NTM: variants seen among roughly 807,000 people sequenced by gnomAD.
NTM encodes neurotrimin, also known as IgLON family member 2.
Under a neutral mutation model 42.1 loss-of-function variants are expected in NTM, and 13 were observed. The ratio of observed to expected loss-of-function variants is 0.31; its 90% CI spans 0.20 to 0.49. The LOEUF is 0.49. Among genes scored for constraint, NTM ranks in the 20% least tolerant of loss-of-function variants. The pLI is 0.99. For missense variants in NTM, 373 were observed against 452.8 expected (o/e 0.82, Z 1.60); for synonymous variants, 187 against 179.2 (o/e 1.04, Z -0.35).
At chr11:131,564,331 G>T (rs1462786515) in intron 1 of NTM, among the ~76,000 whole-genome samples, 1 of 152,192 alleles carries the variant, frequency 6.6e-6, no homozygotes, top group African/African-American at 2.4e-5. Flanking sequence ...GAGGCTGGAA[G>T]TCTGAGATCA....
chr11:131,580,229 GC>G (rs1565661550), intron 1 of NTM, among the ~76,000 whole-genome samples: 2 of 152,140 alleles, frequency 1.3e-5, no homozygotes, highest in African/African-American at 4.8e-5. Flanking sequence ...TCATTTCTCT[GC>G]CCACTGTCAC....
intron 2 of NTM, among the ~76,000 whole-genome samples, chr11:132,084,500 C>T (rs1000965582): frequency 2.0e-5 from 3 of 152,106 alleles, no homozygotes; most frequent in African/African-American, 7.2e-5. Flanking sequence ...CTCAGGGACC[C>T]TCCATGGCAT....
intron 1 of NTM, among the ~76,000 whole-genome samples, chr11:131,512,936 C>G (rs957123362): frequency 1.3e-5 from 2 of 151,948 alleles, no homozygotes; most frequent in Non-Finnish European, 2.9e-5. Flanking sequence ...CAATTTAGCA[C>G]CCGATTATTC....
chr11:132,034,965 G>A (rs868458311), intron 2 of NTM, among the ~76,000 whole-genome samples: 3 of 152,168 alleles, frequency 2.0e-5, no homozygotes, highest in African/African-American at 2.4e-5. Context: ...TGGTCTCCTA[G>A]CATCTTGATT....
At chr11:131,527,184 G>T (rs2050618550) in intron 1 of NTM, among the ~76,000 whole-genome samples, 1 of 152,170 alleles carries the variant, frequency 6.6e-6, no homozygotes. Context: ...CGTCGTATGT[G>T]CTGGTTCTAA....
intron 4 of NTM, among the ~76,000 whole-genome samples, chr11:132,220,926 C>T (rs2085021155): frequency 6.6e-6 from 1 of 152,190 alleles, no homozygotes; most frequent in Non-Finnish European, 1.5e-5. Flanking sequence ...CCATAAGAGT[C>T]AGCACCGCCT....
At chr11:131,899,640 TAACA>T (rs1220375149) in intron 1 of NTM, among the ~76,000 whole-genome samples, 4 of 152,374 alleles carry the variant, frequency 2.6e-5, no homozygotes, top group African/African-American at 4.8e-5. Flanking sequence ...GCCTCTAACC[TAACA>T]AACAGTGTGG....
At chr11:131,657,341 G>A (rs527968799) in intron 1 of NTM, among the ~76,000 whole-genome samples, 18 of 152,246 alleles carry the variant, frequency 1.2e-4, no homozygotes, top group African/African-American at 3.1e-4. Context: ...GAACTATGCC[G>A]TGCAGGAAGG....
intron 1 of NTM, among the ~76,000 whole-genome samples, chr11:131,492,999 C>T (rs1353862491): frequency 2.0e-5 from 3 of 152,086 alleles, no homozygotes; most frequent in Non-Finnish European, 4.4e-5. Flanking sequence ...AGGCAGATCG[C>T]TTGAGCCCAG....
intron 4 of NTM, among the ~76,000 whole-genome samples, chr11:132,299,843 C>T (rs536697886): frequency 7.9e-5 from 12 of 152,188 alleles, no homozygotes; most frequent in East Asian, 3.9e-4. Flanking sequence ...TTCTCTTTTC[C>T]GCCAGCCATG....
At chr11:131,560,232 C>T (rs1043133793) in intron 1 of NTM, among the ~76,000 whole-genome samples, 10 of 152,166 alleles carry the variant, frequency 6.6e-5, no homozygotes, top group African/African-American at 9.7e-5. Context: ...TTATCTTTCA[C>T]GGAAGGCTAG....
chr11:132,114,383 C>T (rs189761053), intron 2 of NTM, among the ~76,000 whole-genome samples: 44 of 152,242 alleles, frequency 2.9e-4, no homozygotes, highest in African/African-American at 9.9e-4. Context: ...TGATCAGCCA[C>T]GAGAGGGCAA....
At chr11:131,580,594 AC>A (rs1334633572) in intron 1 of NTM, among the ~76,000 whole-genome samples, 3 of 152,166 alleles carry the variant, frequency 2.0e-5, no homozygotes, top group African/African-American at 4.8e-5. Context: ...TGGCAAAGTG[AC>A]CTGACAGATG....
chr11:132,279,944 C>G (rs1005315760), intron 4 of NTM, among the ~76,000 whole-genome samples: 2 of 152,154 alleles, frequency 1.3e-5, no homozygotes, highest in African/African-American at 4.8e-5. Flanking sequence ...ATTCATTCAA[C>G]AAATAATGAC....
At chr11:131,782,225 C>T (rs1294735358) in intron 1 of NTM, among the ~76,000 whole-genome samples, 2 of 152,064 alleles carry the variant, frequency 1.3e-5, no homozygotes, top group Non-Finnish European at 2.9e-5. Flanking sequence ...ATCACTTCTA[C>T]AGACATTAAA....
At chr11:131,512,499 C>T (rs2048378205) in intron 1 of NTM, among the ~76,000 whole-genome samples, 1 of 152,150 alleles carries the variant, frequency 6.6e-6, no homozygotes, top group African/African-American at 2.4e-5. Flanking sequence ...AGCTGGGTGC[C>T]TCCTGGAGGA....
intron 2 of NTM, among the ~76,000 whole-genome samples, chr11:132,124,508 C>T (rs2065354383): frequency 6.6e-6 from 1 of 152,230 alleles, no homozygotes; most frequent in African/African-American, 2.4e-5. Context: ...ATCTGCCTCC[C>T]CATTTCTACC....
chr11:131,947,188 A>G (rs1011712888), intron 2 of NTM, among the ~76,000 whole-genome samples: 10 of 152,162 alleles, frequency 6.6e-5, no homozygotes, highest in Non-Finnish European at 1.3e-4. Flanking sequence ...TATAGGTTCC[A>G]TGCAGCTGGC....
At chr11:132,008,928 A>C (rs2071451926) in intron 2 of NTM, among the ~76,000 whole-genome samples, 2 of 149,826 alleles carry the variant, frequency 1.3e-5, no homozygotes, top group African/African-American at 4.9e-5. Flanking sequence ...ATTAAGAGCG[A>C]ATGAAGGTAA....
Sources: gnomAD v4.1 joint callset for allele counts (sites outside exome capture counted in the v4.1 genomes callset) on GRCh38, gnomAD v4.1.1 for gene constraint, MANE v1.5 for transcripts, NCBI Gene and HGNC (gene_info 2026-07-23, HGNC 2026-07-21) for gene names.